The following IDE variants were observed in gnomAD, a reference collection of about 807,000 sequenced individuals.
IDE encodes the protein insulin-degrading enzyme.
IDE carries 58 observed loss-of-function variants against 133.2 expected under a neutral mutation model. That is an observed-to-expected ratio of 0.44 (90% CI 0.35 to 0.54). The LOEUF (loss-of-function observed/expected upper bound fraction) is 0.54, where lower values mean the gene tolerates loss of function less well. Ranked by LOEUF, IDE falls within the 20% of genes least tolerant of loss-of-function variation. IDE has a pLI of 0.00. For synonymous variants in IDE, 396 were observed against 421.3 expected (o/e 0.94, Z 0.73); for missense variants, 981 against 1,234.0 (o/e 0.79, Z 3.07).
intron 23 of IDE, 50 bp downstream of exon 23, chr10:92,456,309 A>G (rs781209506): frequency 5.3e-6 from 7 of 1,313,598 alleles, no homozygotes; most frequent in Non-Finnish European, 7.7e-6. Flanking sequence ...ACAAAGGCCA[A>G]CCATCAGATG....
rs1178984081 is a variant in IDE, at chr10:92,451,831, A to G, written c.*2613T>C. On this transcript the variant is annotated 3_prime_UTR_variant, in exon 25 of 25. Transcript: ENST00000265986. ...ATCAAGAAGACAGAGATTGAACAAG[A>G]TATCTGCCTAAACTGCAGCTGGAGA... is the stretch of plus-strand genomic sequence containing the variant. The G allele has an allele frequency of 2.6e-5, 4 of 152,244 alleles. No individual in the cohort carries two copies. Among genetic ancestry groups the G allele is most frequent in the Non-Finnish European group, 5.9e-5 (4 of 68,040 alleles). 9.4% of individuals were successfully genotyped at this position (152,244 alleles called of 1,614,324 possible).
At chr10:92,479,513 T>C (rs1406111359) in intron 14 of IDE, 92 bp from the exon 15 acceptor site, 1 of 908,808 alleles carries the variant, frequency 1.1e-6, no homozygotes, top group Non-Finnish European at 1.7e-6. Context: ...TGAACACCGG[T>C]TAATATGATT....
intron 2 of IDE, among the ~76,000 whole-genome samples, chr10:92,536,456 T>C (rs972381436): frequency 4.0e-5 from 6 of 150,456 alleles, no homozygotes; most frequent in African/African-American, 1.5e-4. Flanking sequence ...CCCTGCACTT[T>C]GGGAGGCCGA....
intron 1 of IDE, chr10:92,573,171 A>G: frequency 1.0e-6 from 1 of 985,468 alleles, no homozygotes; most frequent in Non-Finnish European, 1.2e-6. Context: ...TAGCGTACGC[A>G]GATCAACGGT....
At chr10:92,514,860 A>C (rs1429418640) in intron 5 of IDE, 60 bp downstream of exon 5, 23 of 1,444,958 alleles carry the variant, frequency 1.6e-5, no homozygotes, top group Non-Finnish European at 2.2e-5. Flanking sequence ...AACACTGTGA[A>C]AAAGCCAACA....
chr10:92,510,815 T>TGATATATAGCACATACATCTCAC (rs1564635725), intron 5 of IDE, among the ~76,000 whole-genome samples: 13 of 148,224 alleles, frequency 8.8e-5, no homozygotes, highest in African/African-American at 3.3e-4. Flanking sequence ...ACATATCACA[T>TGATATATAGCACATACATCTCAC]ATATGATATA....
Position 92,537,449 on chromosome 10 carries a change from A to G in IDE, c.200T>C (p.Leu67Pro), listed in dbSNP as rs1842071321. 6.2e-7 allele frequency: 1 copy of G among 1,614,080 alleles called. No homozygotes were observed. The highest frequency in any genetic ancestry group is 2.2e-5 in the East Asian group (1 of 44,874). The part of the protein sequence containing the change: ...SPEDKREYRG[L>P]ELANGIKVLL... ...TACTTTGATACCATTGGCCAGCTCT[A>G]GCCCTCGATATTCTCGCTTGTCTTC... is the stretch of plus-strand genomic sequence containing the variant. The change falls in exon 2 of 25, where the codon CTA (leucine) becomes CCA (proline). Residue 67 changes from leucine to proline, a missense_variant. By Grantham distance (98) the Leu-to-Pro change is moderately conservative. Transcript: ENST00000265986.
rs574931306 is a variant in IDE at position 92,501,844 on chromosome 10, G to A, written c.1430+2950C>T. ...AAAAAAATTAGCCAGGTGTGGTGGC[G>A]GGTGCCTGTAATCCCAGCTACTCAG... On this transcript the variant is annotated intron_variant, in intron 11 of 24. Transcript: ENST00000265986. Among the ~76,000 whole-genome samples, 8 of 151,790 alleles carry A rather than the reference G, an allele frequency of 5.3e-5. No homozygotes were observed. The East Asian group carries it at 7.8e-4, about 15-fold the overall frequency.
intron 1 of IDE, among the ~76,000 whole-genome samples, chr10:92,571,134 C>T (rs113147560): frequency 0.064 from 9,725 of 151,742 alleles, 1,079 homozygotes; most frequent in African/African-American, 0.22. Context: ...GCCTCAGCCT[C>T]ATGAGTAGCT....
At chr10:92,515,301 C>T (rs1848845260) in intron 4 of IDE, among the ~76,000 whole-genome samples, 1 of 150,264 alleles carries the variant, frequency 6.7e-6, no homozygotes, top group Admixed American at 6.6e-5. Flanking sequence ...GCTCTGTTGC[C>T]CAGGCTGGAG....
At chr10:92,567,023 T>C (rs989618196) in intron 1 of IDE, among the ~76,000 whole-genome samples, 4 of 152,194 alleles carry the variant, frequency 2.6e-5, no homozygotes, top group Non-Finnish European at 4.4e-5. Flanking sequence ...GGTTCTGATC[T>C]TTCAATTGAA....
intron 19 of IDE, among the ~76,000 whole-genome samples, chr10:92,467,261 G>C (rs1168463839): frequency 6.6e-6 from 1 of 151,966 alleles, no homozygotes; most frequent in East Asian, 1.9e-4. Context: ...ATTTTTTGTA[G>C]AAACAAGTTC....
intron 13 of IDE, among the ~76,000 whole-genome samples, chr10:92,483,975 C>G (rs1283781399): frequency 1.3e-5 from 2 of 152,186 alleles, no homozygotes; most frequent in Non-Finnish European, 2.9e-5. Context: ...AACCACATAA[C>G]TGAACTTGGA....
intron 1 of IDE, chr10:92,573,122 TAAA>T: frequency 1.0e-6 from 1 of 985,444 alleles, no homozygotes; most frequent in Non-Finnish European, 1.2e-6. Flanking sequence ...CCATTCGTAG[TAAA>T]AAGTATTCAG....
intron 1 of IDE, among the ~76,000 whole-genome samples, chr10:92,542,663 G>A (rs1022899718): frequency 6.6e-6 from 1 of 152,164 alleles, no homozygotes; most frequent in South Asian, 2.1e-4. Context: ...TCTAGGAGGG[G>A]GAGTAGAAGC....
intron 1 of IDE, among the ~76,000 whole-genome samples, chr10:92,566,601 C>G (rs766029890): frequency 1.3e-5 from 2 of 151,096 alleles, no homozygotes; most frequent in Non-Finnish European, 1.5e-5. Flanking sequence ...AGGATGGTTA[C>G]TAGAGGCTGG....
At chr10:92,469,602 A>G (rs751481613) in intron 18 of IDE, among the ~76,000 whole-genome samples, 7 of 151,840 alleles carry the variant, frequency 4.6e-5, no homozygotes, top group Non-Finnish European at 8.8e-5. Flanking sequence ...CTGTTTTTCA[A>G]TTTTTTGTAG....
chr10:92,490,695 T>G, intron 11 of IDE, 100 bp from the exon 12 acceptor site: 1 of 739,520 alleles, frequency 1.4e-6, no homozygotes, highest in Non-Finnish European at 2.3e-6. Context: ...TATCCAAGAA[T>G]GTGCTGGGCC....
At chr10:92,469,521 T>C (rs1845856960) in intron 18 of IDE, among the ~76,000 whole-genome samples, 1 of 152,002 alleles carries the variant, frequency 6.6e-6, no homozygotes, top group South Asian at 2.1e-4. Context: ...CTCAACCTCC[T>C]AGGCTCAAGA....
Sources: allele counts gnomAD v4.1 joint callset (sites outside exome capture counted in the v4.1 genomes callset), GRCh38; gene constraint gnomAD v4.1.1; transcripts MANE v1.5; gene names NCBI Gene and HGNC (gene_info 2026-07-23, HGNC 2026-07-21).